Variants in SLC41A2 observed in about 807,000 individuals in gnomAD.
The protein encoded by SLC41A2 is solute carrier family 41 member 2.
SLC41A2 carries 32 observed loss-of-function variants against 58.3 expected under a neutral mutation model. That is an observed-to-expected ratio of 0.55 (90% confidence interval 0.41 to 0.74). The LOEUF is 0.74. Among genes scored for constraint, SLC41A2 ranks in the 30% least tolerant of loss-of-function variants. The pLI, the probability that SLC41A2 is intolerant of heterozygous loss-of-function variation, is 0.00. For missense variants in SLC41A2, 514 were observed against 680.6 expected, an observed-to-expected ratio of 0.76 and a Z score of 2.72; for synonymous variants, 190 against 235.0, an observed-to-expected ratio of 0.81 and a Z score of 1.75.
At chr12:104,921,115 A>T (rs2046576341) in intron 2 of SLC41A2, among the ~76,000 whole-genome samples, 1 of 151,904 alleles carries the variant, frequency 6.6e-6, no homozygotes, top group Non-Finnish European at 1.5e-5. Flanking sequence ...AAAGGATCAA[A>T]GATTGTCTAC....
At chr12:104,828,073 T>C (rs1216370725) in intron 10 of SLC41A2, among the ~76,000 whole-genome samples, 1 of 152,044 alleles carries the variant, frequency 6.6e-6, no homozygotes, top group African/African-American at 2.4e-5. Flanking sequence ...CCTGTGCCTA[T>C]AAAAACCCTG....
chr12:104,851,157 TA>T (rs759713159), intron 8 of SLC41A2, among the ~76,000 whole-genome samples: 5 of 152,198 alleles, frequency 3.3e-5, no homozygotes, highest in Non-Finnish European at 5.9e-5. Context: ...GGTAAAGGCT[TA>T]AAAAATGTTA....
intron 4 of SLC41A2, among the ~76,000 whole-genome samples, chr12:104,894,636 C>G (rs1461502171): frequency 6.6e-6 from 1 of 152,058 alleles, no homozygotes; most frequent in Non-Finnish European, 1.5e-5. Flanking sequence ...TGAACTAATA[C>G]CAAAATTAGT....
Position 104,844,529 on chromosome 12 carries a change from A to G in SLC41A2, c.1479T>C (p.Gly493=). ...TGAAGATTATAGTTAAAGAAGTATG[A>G]CCACTTTTCATCAAATGAATAGTGT... ...FLYTIHLMKS[G]HTSLTIIFIV... The change falls in exon 10 of 11, where the codon GGT becomes GGC. Residue 493 remains glycine (G), a synonymous_variant. Coordinates refer to ENST00000258538, the MANE Select transcript of SLC41A2 (RefSeq NM_001352171.3). 6.4e-7 allele frequency: 1 copy of G among 1,572,078 alleles called. No individual in the cohort carries two copies. The highest frequency in any genetic ancestry group is 8.6e-7 in the Non-Finnish European group (1 of 1,159,546).
At chr12:104,950,670 T>C (rs1296968277) in intron 1 of SLC41A2, among the ~76,000 whole-genome samples, 3 of 152,170 alleles carry the variant, frequency 2.0e-5, no homozygotes, top group African/African-American at 7.2e-5. Flanking sequence ...GGCTAAGCCT[T>C]TATTTTTAAT....
At chr12:104,934,050 T>C (rs576917986) in intron 1 of SLC41A2, among the ~76,000 whole-genome samples, 1 of 151,466 alleles carries the variant, frequency 6.6e-6, no homozygotes, top group South Asian at 2.1e-4. Flanking sequence ...AAACTACTTG[T>C]ACTCATAAAG....
intron 3 of SLC41A2, among the ~76,000 whole-genome samples, chr12:104,899,312 C>T (rs1026637998): frequency 6.6e-6 from 1 of 152,162 alleles, no homozygotes; most frequent in Non-Finnish European, 1.5e-5. Context: ...ATTAATCATA[C>T]ATTTCTTGAA....
At chr12:104,954,953 T>C (rs1042050581) in intron 1 of SLC41A2, among the ~76,000 whole-genome samples, 1 of 151,426 alleles carries the variant, frequency 6.6e-6, no homozygotes, top group East Asian at 1.9e-4. Context: ...CCTTGTAAAA[T>C]GCAGTTTTAT....
intron 1 of SLC41A2, among the ~76,000 whole-genome samples, chr12:104,957,624 T>C (rs1365210728): frequency 6.6e-6 from 1 of 152,254 alleles, no homozygotes; most frequent in Non-Finnish European, 1.5e-5. Flanking sequence ...TCTCTGTAAA[T>C]GAGCATTTGG....
intron 1 of SLC41A2, among the ~76,000 whole-genome samples, chr12:104,945,136 C>T (rs562132074): frequency 5.9e-5 from 9 of 151,576 alleles, no homozygotes; most frequent in Non-Finnish European, 1.3e-4. Flanking sequence ...CACCACTGCA[C>T]TCCAGCCTGG....
intron 8 of SLC41A2, among the ~76,000 whole-genome samples, chr12:104,854,567 A>C (rs2042952831): frequency 1.9e-5 from 2 of 105,698 alleles, no homozygotes; most frequent in South Asian, 2.5e-4. Flanking sequence ...CGTCTCAAAA[A>C]AACAAAAAAA....
intron 3 of SLC41A2, among the ~76,000 whole-genome samples, chr12:104,899,974 A>G (rs2045481904): frequency 6.6e-6 from 1 of 152,172 alleles, no homozygotes; most frequent in Non-Finnish European, 1.5e-5. Context: ...ACTTGGTCAC[A>G]GATTTCACCA....
intron 8 of SLC41A2, among the ~76,000 whole-genome samples, chr12:104,858,684 A>C (rs77715795): frequency 0.013 from 2,036 of 152,270 alleles, 22 homozygotes; most frequent in Non-Finnish European, 0.021. Context: ...GCTAATTTTT[A>C]TAATTTTTGT....
chr12:104,900,305 C>T (rs1490079795), intron 3 of SLC41A2, among the ~76,000 whole-genome samples: 1 of 152,094 alleles, frequency 6.6e-6, no homozygotes, highest in African/African-American at 2.4e-5. Flanking sequence ...TTTCATTCTG[C>T]CATTAATTAG....
At chr12:104,862,287 A>G (rs1258407312) in intron 7 of SLC41A2, among the ~76,000 whole-genome samples, 1 of 152,180 alleles carries the variant, frequency 6.6e-6, no homozygotes, top group African/African-American at 2.4e-5. Flanking sequence ...TTATGCCTTA[A>G]TAGGCCTAAA....
intron 1 of SLC41A2, among the ~76,000 whole-genome samples, chr12:104,949,567 A>C (rs1236821754): frequency 1.3e-5 from 2 of 151,878 alleles, no homozygotes; most frequent in African/African-American, 4.8e-5. Context: ...GGAGGAATGA[A>C]CAAAATGATG....
intron 1 of SLC41A2, among the ~76,000 whole-genome samples, chr12:104,929,681 A>C (rs1410963283): frequency 6.6e-6 from 1 of 152,276 alleles, no homozygotes. Context: ...CCAAGCTATC[A>C]GGTGTTTCTC....
intron 10 of SLC41A2, among the ~76,000 whole-genome samples, chr12:104,821,967 C>T (rs1449903594): frequency 6.6e-6 from 1 of 152,102 alleles, no homozygotes; most frequent in Non-Finnish European, 1.5e-5. Context: ...TAACTATTGC[C>T]TAGTTACACC....
At chr12:104,807,865 T>C (rs1167933702) in intron 10 of SLC41A2, among the ~76,000 whole-genome samples, 1 of 152,104 alleles carries the variant, frequency 6.6e-6, no homozygotes, top group Non-Finnish European at 1.5e-5. Context: ...GGCTCTCTGT[T>C]TGTCTGTTAT....
Sources: allele counts gnomAD v4.1 joint callset (sites outside exome capture counted in the v4.1 genomes callset), GRCh38; gene constraint gnomAD v4.1.1; transcripts MANE v1.5; gene names NCBI Gene and HGNC (gene_info 2026-07-23, HGNC 2026-07-21).